TRPS1: variants seen among roughly 807,000 people sequenced by gnomAD.
The protein encoded by TRPS1 is transcriptional repressor GATA binding 1.
A neutral mutation model predicts 101.2 loss-of-function variants in TRPS1; 6 were observed. That is an observed-to-expected ratio of 0.06 (90% CI 0.03 to 0.12). TRPS1 has a LOEUF of 0.12. Ranked by LOEUF, TRPS1 falls within the 10% of genes least tolerant of loss-of-function variation. The probability of loss-of-function intolerance (pLI) is 1.00; values close to 1 mark genes in which losing one functional copy is unlikely to be tolerated. For missense variants in TRPS1, 1,363 were observed against 1,567.0 expected (o/e 0.87, Z 2.20); for synonymous variants, 578 against 589.8 (o/e 0.98, Z 0.29).
Position 115,604,931 on chromosome 8 carries a change from G to A in TRPS1, c.1038C>T (p.Phe346=). ...TPDCQGNTKY[F]RCKFCNFTYM... ...AAGTGAAATTGCAGAATTTACAGCG[G>A]AAATACTTGGTGTTCCCTTGGCAAT... is the stretch of plus-strand genomic sequence containing the variant. The change falls in exon 4 of 7, where the codon TTC becomes TTT. Residue 346 remains phenylalanine (F), a synonymous_variant. Coordinates refer to ENST00000395715, the MANE Select transcript of TRPS1 (RefSeq NM_014112.5). This position sits in a 1 kb window ranked among gnomAD's most constrained non-coding sequence, Gnocchi z 4.1. The A allele has an allele frequency of 6.2e-7, 1 of 1,614,008 alleles. No individual in the cohort carries two copies. The highest frequency in any genetic ancestry group is 8.5e-7 in the Non-Finnish European group (1 of 1,179,974).
At chr8:115,554,749 G>C (rs183553422) in intron 5 of TRPS1, among the ~76,000 whole-genome samples, 145 of 152,128 alleles carry the variant, frequency 9.5e-4, no homozygotes, top group Non-Finnish European at 1.7e-3. Context: ...AAGAGATAAG[G>C]CTTCCAAACA....
intron 5 of TRPS1, among the ~76,000 whole-genome samples, chr8:115,443,172 A>C (rs1813650665): frequency 6.6e-6 from 1 of 152,102 alleles, no homozygotes; most frequent in African/African-American, 2.4e-5. Context: ...TGGGAGGCTG[A>C]GGCAGGACAA....
intron 5 of TRPS1, among the ~76,000 whole-genome samples, chr8:115,437,297 T>C (rs958030550): frequency 1.3e-5 from 2 of 152,234 alleles, no homozygotes; most frequent in African/African-American, 2.4e-5. Context: ...GATACCCCCA[T>C]GACGGGTGCC....
chr8:115,499,144 T>C (rs1414177878), intron 5 of TRPS1, among the ~76,000 whole-genome samples: 2 of 152,218 alleles, frequency 1.3e-5, no homozygotes, highest in African/African-American at 4.8e-5. Flanking sequence ...GAAGAGCTAC[T>C]TTCCAACAAT....
chr8:115,663,223 A>G (rs1586507580), intron 1 of TRPS1, among the ~76,000 whole-genome samples: 1 of 151,740 alleles, frequency 6.6e-6, no homozygotes, highest in Non-Finnish European at 1.5e-5. Flanking sequence ...TTTCTTCCTC[A>G]GGCCACAAGC....
intron 3 of TRPS1, among the ~76,000 whole-genome samples, chr8:115,610,545 A>G (rs1818138636): frequency 6.6e-6 from 1 of 152,172 alleles, no homozygotes; most frequent in African/African-American, 2.4e-5. Context: ...TATCAGTGAC[A>G]CTGTAACAAC....
At chr8:115,651,286 G>A (rs1001312422) in intron 1 of TRPS1, among the ~76,000 whole-genome samples, 3 of 152,080 alleles carry the variant, frequency 2.0e-5, no homozygotes, top group African/African-American at 4.8e-5. Flanking sequence ...GACATTAATC[G>A]ATAAAAGGCA....
At chr8:115,444,056 C>T (rs1011465357) in intron 5 of TRPS1, among the ~76,000 whole-genome samples, 10 of 152,204 alleles carry the variant, frequency 6.6e-5, no homozygotes, top group African/African-American at 2.2e-4. Flanking sequence ...CACTCCTTCG[C>T]CATGTAGTTT....
chr8:115,413,860 A>G lies in TRPS1; in HGVS notation c.*163T>C. On this transcript the variant is annotated 3_prime_UTR_variant, in exon 7 of 7. Transcript: ENST00000395715. ...ATTTATCTCACTTTTTAATCTTGGT[A>G]ACCTACTCATCAAAAGAAAGAATAA... is the stretch of plus-strand genomic sequence containing the variant. The G allele has an allele frequency of 1.5e-6, 1 of 671,854 alleles. No homozygotes were observed. The highest frequency in any genetic ancestry group is 2.5e-6 in the Non-Finnish European group (1 of 403,230). 41.6% of individuals were successfully genotyped at this position (671,854 alleles called of 1,614,324 possible).
intron 5 of TRPS1, among the ~76,000 whole-genome samples, chr8:115,434,077 C>T (rs943824531): frequency 2.2e-4 from 14 of 64,800 alleles, no homozygotes; most frequent in African/African-American, 3.1e-4. Context: ...AAAGGCCATA[C>T]GCTGCATGAT....
At chr8:115,512,547 T>G (rs1034615287) in intron 5 of TRPS1, among the ~76,000 whole-genome samples, 1 of 151,548 alleles carries the variant, frequency 6.6e-6, no homozygotes, top group African/African-American at 2.4e-5. Context: ...GCTAAAAAAT[T>G]CATGCTCATG....
At chr8:115,478,124 C>A (rs183701470) in intron 5 of TRPS1, among the ~76,000 whole-genome samples, 1 of 152,126 alleles carries the variant, frequency 6.6e-6, no homozygotes, top group Non-Finnish European at 1.5e-5. Flanking sequence ...AAATTCTGAT[C>A]TATATTGCCA....
intron 1 of TRPS1, among the ~76,000 whole-genome samples, chr8:115,646,797 T>C (rs1819034566): frequency 6.6e-6 from 1 of 152,182 alleles, no homozygotes; most frequent in Non-Finnish European, 1.5e-5. Flanking sequence ...TGGTTTTCTC[T>C]TAAACATATT....
intron 5 of TRPS1, among the ~76,000 whole-genome samples, chr8:115,452,772 G>A (rs896276597): frequency 3.3e-5 from 5 of 152,168 alleles, no homozygotes; most frequent in Admixed American, 6.5e-5. Flanking sequence ...GTGTTTCCTC[G>A]AGCACAGATG....
At chr8:115,557,262 C>G (rs1214881868) in intron 5 of TRPS1, among the ~76,000 whole-genome samples, 1 of 152,068 alleles carries the variant, frequency 6.6e-6, no homozygotes, top group Non-Finnish European at 1.5e-5. Flanking sequence ...GGGGACACAG[C>G]CAAACTATAT....
chr8:115,608,391 T>C (rs1214018157), intron 3 of TRPS1, among the ~76,000 whole-genome samples: 1 of 152,220 alleles, frequency 6.6e-6, no homozygotes, highest in East Asian at 1.9e-4. Context: ...CAATAGATAT[T>C]AGGCATATAA....
chr8:115,540,411 A>G (rs1816424395), intron 5 of TRPS1, among the ~76,000 whole-genome samples: 1 of 152,168 alleles, frequency 6.6e-6, no homozygotes, highest in African/African-American at 2.4e-5. Flanking sequence ...CCACAATAAA[A>G]CGAAATGAGT....
chr8:115,592,539 A>C (rs1319233357), intron 4 of TRPS1, among the ~76,000 whole-genome samples: 1 of 152,228 alleles, frequency 6.6e-6, no homozygotes, highest in Non-Finnish European at 1.5e-5. Context: ...GAAGCAGAAA[A>C]GGCAATTTGC....
chr8:115,433,909 CT>C (rs1813384633), intron 5 of TRPS1, among the ~76,000 whole-genome samples: 1 of 152,080 alleles, frequency 6.6e-6, no homozygotes, highest in Admixed American at 6.6e-5. Context: ...TACCTTTCTC[CT>C]TTTCAACTTT....
Sources: allele counts gnomAD v4.1 joint callset (sites outside exome capture counted in the v4.1 genomes callset), GRCh38; gene constraint gnomAD v4.1.1; non-coding constraint Gnocchi (gnomAD v3.1); transcripts MANE v1.5; gene names NCBI Gene and HGNC (gene_info 2026-07-23, HGNC 2026-07-21).